Variants in NTNG1 observed in about 807,000 individuals in gnomAD.
NTNG1 encodes netrin-G1.
In NTNG1, 16 loss-of-function variants were observed where a neutral mutation model predicts 54.0. The ratio of observed to expected loss-of-function variants is 0.30; its 90% CI spans 0.20 to 0.45. The LOEUF (loss-of-function observed/expected upper bound fraction) is 0.45. NTNG1 is among the 20% of genes least tolerant of loss of function. The pLI is 1.00. For synonymous variants in NTNG1, 255 were observed against 263.1 expected (o/e 0.97, Z 0.30); for missense variants, 530 against 678.7 (o/e 0.78, Z 2.43).
At chr1:107,462,721 T>G (rs1366416260) in intron 7 of NTNG1, among the ~76,000 whole-genome samples, 5 of 152,246 alleles carry the variant, frequency 3.3e-5, no homozygotes, top group Non-Finnish European at 7.3e-5. Context: ...AAGTTCTTAC[T>G]GTTTGCCAGA....
intron 2 of NTNG1, among the ~76,000 whole-genome samples, chr1:107,267,900 A>G (rs923694311): frequency 7.9e-5 from 12 of 152,118 alleles, no homozygotes; most frequent in Non-Finnish European, 1.8e-4. Context: ...ACTTTCCACA[A>G]ATTCTCAGCA....
rs1459288420 is a variant in NTNG1, at chr1:107,480,819, C to G, written c.1599C>G (p.Thr533=). The G allele has an allele frequency of 1.9e-6, 3 of 1,567,856 alleles. No homozygotes were observed. The highest frequency in any genetic ancestry group is 2.3e-5 in the South Asian group (2 of 85,818). Residue 533 remains threonine (T), a synonymous_variant, in exon 8 of 8, where the codon ACC becomes ACG. Coordinates refer to ENST00000370068, the MANE Select transcript of NTNG1 (RefSeq NM_001113226.3). ...ALLLLTTLLG[T]ASPLVF is the part of the protein sequence containing the mutation. ...TGCTGCTGACCACGCTGCTGGGAACCGCCAGCCCCCTGGTGTTCTAGGTGT... is the reference window on the plus strand; with the variant it reads ...TGCTGCTGACCACGCTGCTGGGAACGGCCAGCCCCCTGGTGTTCTAGGTGT...
chr1:107,412,352 T>C (rs886649439), intron 5 of NTNG1, among the ~76,000 whole-genome samples: 5 of 152,210 alleles, frequency 3.3e-5, no homozygotes, highest in Non-Finnish European at 7.3e-5. Context: ...GAAAAGTTAT[T>C]GTAGGGAGGT....
At chr1:107,451,045 T>G (rs1431237034) in intron 7 of NTNG1, among the ~76,000 whole-genome samples, 1 of 152,070 alleles carries the variant, frequency 6.6e-6, no homozygotes, top group Non-Finnish European at 1.5e-5. Context: ...CCTTAGGGGT[T>G]TGTATGTCTG....
intron 7 of NTNG1, among the ~76,000 whole-genome samples, chr1:107,464,934 C>CA (rs1248026692): frequency 9.2e-5 from 14 of 152,172 alleles, no homozygotes; most frequent in Non-Finnish European, 1.5e-4. Flanking sequence ...CCACGTCTCT[C>CA]CATAGGCTTA....
At chr1:107,247,097 A>C (rs1433541275) in intron 2 of NTNG1, among the ~76,000 whole-genome samples, 1 of 152,186 alleles carries the variant, frequency 6.6e-6, no homozygotes, top group African/African-American at 2.4e-5. Flanking sequence ...CTGGTGGAAG[A>C]AGCCGAAAGG....
chr1:107,305,657 T>G (rs1666651046), intron 2 of NTNG1, among the ~76,000 whole-genome samples: 1 of 152,170 alleles, frequency 6.6e-6, no homozygotes. Context: ...GATGGATAGA[T>G]AGATAGCAAA....
At chr1:107,438,009 A>G (rs142496341) in intron 7 of NTNG1, among the ~76,000 whole-genome samples, 506 of 152,328 alleles carry the variant, frequency 3.3e-3, no homozygotes, top group African/African-American at 0.011. Flanking sequence ...TGTATAATAT[A>G]GTAGTAATAG....
intron 4 of NTNG1, among the ~76,000 whole-genome samples, chr1:107,402,390 C>T (rs911930779): frequency 3.9e-5 from 6 of 152,118 alleles, no homozygotes; most frequent in Admixed American, 1.3e-4. Context: ...CATGCTAGGA[C>T]GGTACTGTCA....
At chr1:107,234,189 C>T (rs1325092569) in intron 2 of NTNG1, among the ~76,000 whole-genome samples, 2 of 152,176 alleles carry the variant, frequency 1.3e-5, no homozygotes, top group African/African-American at 4.8e-5. Context: ...GTGGCATGAT[C>T]TTGGCTCACT....
intron 2 of NTNG1, among the ~76,000 whole-genome samples, chr1:107,265,137 C>T (rs376175794): frequency 6.6e-6 from 1 of 152,182 alleles, no homozygotes; most frequent in African/African-American, 2.4e-5. Flanking sequence ...TTCCAATATT[C>T]TATCTCAGTT....
At chr1:107,304,725 GTTC>G (rs1404423765) in intron 2 of NTNG1, among the ~76,000 whole-genome samples, 2 of 147,296 alleles carry the variant, frequency 1.4e-5, no homozygotes, top group African/African-American at 5.0e-5. Context: ...GGCTCAGAAT[GTTC>G]TTTTTTTTTT....
intron 3 of NTNG1, among the ~76,000 whole-genome samples, chr1:107,379,348 C>T (rs536250738): frequency 6.6e-5 from 10 of 152,330 alleles, no homozygotes; most frequent in African/African-American, 1.7e-4. Flanking sequence ...GAACCTTCCA[C>T]CTTCGTTTCA....
At chr1:107,183,332 G>C (rs887931040) in intron 2 of NTNG1, among the ~76,000 whole-genome samples, 1 of 152,146 alleles carries the variant, frequency 6.6e-6, no homozygotes, top group South Asian at 2.1e-4. Context: ...GCCCTCATTT[G>C]CATTTAGACT....
chr1:107,235,854 G>A (rs138175558), intron 2 of NTNG1, among the ~76,000 whole-genome samples: 25 of 152,154 alleles, frequency 1.6e-4, no homozygotes, highest in African/African-American at 5.5e-4. Context: ...AGTAACTTTG[G>A]GAAGACTACA....
chr1:107,200,411 T>C (rs1163918681), intron 2 of NTNG1, among the ~76,000 whole-genome samples: 1 of 151,844 alleles, frequency 6.6e-6, no homozygotes, highest in African/African-American at 2.4e-5. Context: ...TTAAACAGTC[T>C]GTGTTCTCTT....
intron 2 of NTNG1, among the ~76,000 whole-genome samples, chr1:107,252,081 G>A (rs753276883): frequency 4.6e-5 from 7 of 152,158 alleles, no homozygotes; most frequent in African/African-American, 7.2e-5. Context: ...GAGGACAGTA[G>A]CATCTGCATC....
intron 2 of NTNG1, among the ~76,000 whole-genome samples, chr1:107,276,797 G>A (rs1664505652): frequency 6.6e-6 from 1 of 151,052 alleles, no homozygotes; most frequent in African/African-American, 2.5e-5. Flanking sequence ...GTATTCCCTG[G>A]CCTCCTTCCA....
chr1:107,247,299 G>A (rs957225833), intron 2 of NTNG1, among the ~76,000 whole-genome samples: 4 of 152,026 alleles, frequency 2.6e-5, no homozygotes, highest in East Asian at 3.9e-4. Flanking sequence ...TCTTTCAGTC[G>A]TAAGTTTAAA....
Sources: allele counts gnomAD v4.1 joint callset (sites outside exome capture counted in the v4.1 genomes callset), GRCh38; gene constraint gnomAD v4.1.1; transcripts MANE v1.5; gene names NCBI Gene and HGNC (gene_info 2026-07-23, HGNC 2026-07-21).